PSMD9: variants seen among roughly 807,000 people sequenced by gnomAD.
PSMD9 encodes the protein 26S proteasome non-ATPase regulatory subunit 9.
In PSMD9, 26 loss-of-function variants were observed where a neutral mutation model predicts 25.9. The observed-to-expected ratio is 1.00, with a 90% CI of 0.73 to 1.39. The LOEUF (loss-of-function observed/expected upper bound fraction) is 1.39, where lower values mean the gene tolerates loss of function less well. Among genes scored for constraint, PSMD9 ranks in the 40% most tolerant of loss-of-function variants. The pLI is 0.00. For synonymous variants in PSMD9, 110 were observed against 114.5 expected (o/e 0.96, Z 0.25); for missense variants, 303 against 299.3 (o/e 1.01, Z -0.09).
Position 121,917,820 on chromosome 12 carries a change from CTT to C in PSMD9, c.*1512_*1513del, listed in dbSNP as rs1159626932. 1 of 152,258 alleles carries C rather than the reference CTT, an allele frequency of 6.6e-6. No homozygotes were observed. Among genetic ancestry groups the C allele is most frequent in the Non-Finnish European group, 1.5e-5 (1 of 68,046 alleles). The allele number at this position is 152,258 out of a possible 1,614,324, so 9.4% of individuals were successfully genotyped here. On this transcript the variant is annotated 3_prime_UTR_variant, in exon 6 of 6. Coordinates refer to ENST00000541212, the MANE Select transcript of PSMD9 (RefSeq NM_002813.7). ...TCTAATTCCACGTATTTTCCAGTCTCTTTTATAAAGTCTCAGACTATAATAAA... is the reference window on the plus strand; with the variant it reads ...TCTAATTCCACGTATTTTCCAGTCTCTTATAAAGTCTCAGACTATAATAAA...
intron 4 of PSMD9, 161 bp from the exon 5 acceptor site, chr12:121,915,695 A>G: frequency 4.8e-6 from 3 of 630,170 alleles, no homozygotes. Context: ...CTGCCCTGAG[A>G]GTGCAGTGCC....
At chr12:121,901,666 CTTTTTTTTTTTTTT>C (rs563939839) in intron 3 of PSMD9, among the ~76,000 whole-genome samples, 43,635 of 94,142 alleles carry the variant, frequency 0.46, 9,455 homozygotes, top group Middle Eastern at 0.56. Flanking sequence ...TTCATTCCTT[CTTTTTTTTTTTTTT>C]TTTTTTTTTT....
chr12:121,915,944 G>A lies in PSMD9; in HGVS notation c.644G>A (p.Gly215Asp), dbSNP rs1879888109. Residue 215 changes from glycine to aspartate, a missense_variant and splice_region_variant, in exon 5 of 6, where the codon GGC becomes GAC. By Grantham distance (94) the Gly-to-Asp change is moderately conservative (BLOSUM62 -1). Coordinates refer to ENST00000541212, the MANE Select transcript of PSMD9 (RefSeq NM_002813.7). ...PTRWAGKGLL[G>D]CNIIPLQR is the part of the protein sequence containing the mutation. ...CGCTGGGCAGGAAAAGGACTGCTGG[G>A]GTAAAGTATCTGTTTCTGTTCATTC... 2 of 1,612,908 alleles carry A rather than the reference G, an allele frequency of 1.2e-6. No individual in the cohort carries two copies. The highest frequency in any genetic ancestry group is 1.7e-6 in the Non-Finnish European group (2 of 1,179,364).
intron 4 of PSMD9, chr12:121,910,900 A>C (rs1398486081): frequency 6.6e-6 from 3 of 454,764 alleles, no homozygotes; most frequent in South Asian, 4.7e-5. Context: ...CTGAAACCCA[A>C]ATCTCCATTA....
At chr12:121,912,617 G>A (rs1318930683) in intron 4 of PSMD9, among the ~76,000 whole-genome samples, 1 of 152,106 alleles carries the variant, frequency 6.6e-6, no homozygotes, top group Non-Finnish European at 1.5e-5. Context: ...TGTAATCCCA[G>A]TGCTTTGGGA....
intron 4 of PSMD9, among the ~76,000 whole-genome samples, chr12:121,904,973 A>G (rs1202478377): frequency 6.6e-6 from 1 of 151,620 alleles, no homozygotes; most frequent in Middle Eastern, 3.2e-3. Flanking sequence ...GATTTAATGC[A>G]CATACTACAC....
intron 5 of PSMD9, 44 bp downstream of exon 5, chr12:121,915,988 A>C: frequency 6.4e-7 from 1 of 1,574,550 alleles, no homozygotes; most frequent in African/African-American, 1.3e-5. Context: ...GCATCATTTG[A>C]GTGTTTGTTA....
intron 4 of PSMD9, among the ~76,000 whole-genome samples, chr12:121,905,685 G>A (rs959203549): frequency 1.3e-5 from 2 of 151,560 alleles, no homozygotes; most frequent in East Asian, 1.9e-4. Flanking sequence ...CCACCACCAC[G>A]CCCAGCTAAT....
chr12:121,894,587 G>A (rs1879177173), intron 1 of PSMD9, 152 bp from the exon 2 acceptor site: 2 of 654,110 alleles, frequency 3.1e-6, no homozygotes, highest in African/African-American at 3.6e-5. Flanking sequence ...AGTTGTGAGG[G>A]CATGAGTAGA....
intron 4 of PSMD9, among the ~76,000 whole-genome samples, chr12:121,906,004 CTG>C (rs1879544031): frequency 6.6e-6 from 1 of 150,426 alleles, no homozygotes; most frequent in Non-Finnish European, 1.5e-5. Flanking sequence ...CCTTTTGAGT[CTG>C]GTGTTCTTCA....
intron 1 of PSMD9, chr12:121,894,490 C>G (rs1277313412): frequency 2.3e-6 from 1 of 427,564 alleles, no homozygotes; most frequent in Non-Finnish European, 4.3e-6. Context: ...TTTATCGGCA[C>G]TGTTTTAACT....
Position 121,916,466 on chromosome 12 carries a change from G to A in PSMD9, c.*155G>A, listed in dbSNP as rs1257847986. ...GGTGGCAGTACTGTGGCCCACCAGT[G>A]TAATCTCCCTGGATTAAGGCATTCT... On this transcript the variant is annotated 3_prime_UTR_variant, in exon 6 of 6. Transcript: ENST00000541212. The A allele has an allele frequency of 5.5e-6, 5 of 906,688 alleles. No individual in the cohort carries two copies. Among genetic ancestry groups the A allele is most frequent in the Non-Finnish European group, 5.3e-6 (3 of 568,172 alleles). The allele number at this position is 906,688 out of a possible 1,614,324, so 56.2% of individuals were successfully genotyped here. A position where few individuals can be genotyped will look rare whatever the true frequency, so the allele number is the denominator to read the frequency against.
chr12:121,893,652 C>G (rs907621037), intron 1 of PSMD9, among the ~76,000 whole-genome samples: 9 of 152,210 alleles, frequency 5.9e-5, no homozygotes, highest in African/African-American at 2.2e-4. Context: ...AGCTGTGTCA[C>G]TTGAACCTCT....
intron 4 of PSMD9, 183 bp from the exon 5 acceptor site, chr12:121,915,673 T>A (rs1879875656): frequency 3.4e-6 from 2 of 596,256 alleles, no homozygotes; most frequent in African/African-American, 3.7e-5. Context: ...GGTACTGAGG[T>A]CAGCACCCTG....
chr12:121,892,869 C>G (rs1018972853), intron 1 of PSMD9, among the ~76,000 whole-genome samples: 1 of 152,032 alleles, frequency 6.6e-6, no homozygotes, highest in Non-Finnish European at 1.5e-5. Context: ...GATCTTGTCT[C>G]AAACCAATAC....
chr12:121,894,414 A>G, intron 1 of PSMD9: 1 of 230,250 alleles, frequency 4.3e-6, no homozygotes, highest in East Asian at 1.2e-4. Context: ...CACCTGTGGG[A>G]AGGAGGGTGT....
At chr12:121,889,770 G>A (rs985933962) in intron 1 of PSMD9, among the ~76,000 whole-genome samples, 1 of 152,184 alleles carries the variant, frequency 6.6e-6, no homozygotes, top group Non-Finnish European at 1.5e-5. Flanking sequence ...TAGTTCGGAA[G>A]TGGCAGTGGT....
At chr12:121,916,187 T>C (rs1166408968) in intron 5 of PSMD9, 97 bp from the exon 6 acceptor site, 23 of 1,510,294 alleles carry the variant, frequency 1.5e-5, no homozygotes, top group Non-Finnish European at 2.1e-5. Flanking sequence ...TTTAAAAGAA[T>C]GAAAGAACAT....
intron 4 of PSMD9, among the ~76,000 whole-genome samples, chr12:121,903,659 C>T (rs1185094765): frequency 6.6e-6 from 1 of 151,856 alleles, no homozygotes; most frequent in Non-Finnish European, 1.5e-5. Context: ...GTGACATGCT[C>T]GCAGGGGGCC....
Sources: allele counts gnomAD v4.1 joint callset (sites outside exome capture counted in the v4.1 genomes callset), GRCh38; gene constraint gnomAD v4.1.1; transcripts MANE v1.5; gene names NCBI Gene and HGNC (gene_info 2026-07-23, HGNC 2026-07-21).